FRMD4A: variants seen among roughly 807,000 people sequenced by gnomAD.
The protein encoded by FRMD4A is FERM domain containing 4A, also known as FERM domain-containing protein 4A.
FRMD4A carries 29 observed loss-of-function variants against 129.1 expected under a neutral mutation model. That is an observed-to-expected ratio of 0.22 (90% CI 0.17 to 0.31). The LOEUF is 0.31. FRMD4A is among the 10% of genes least tolerant of loss of function. The probability of loss-of-function intolerance (pLI) is 1.00; values close to 1 mark genes in which losing one functional copy is unlikely to be tolerated. For missense variants in FRMD4A, 1,272 were observed against 1,375.8 expected (o/e 0.92, Z 1.19); for synonymous variants, 634 against 571.6 (o/e 1.11, Z -1.56).
intron 3 of FRMD4A, among the ~76,000 whole-genome samples, chr10:13,826,882 C>A (rs956965223): frequency 6.6e-6 from 1 of 152,114 alleles, no homozygotes; most frequent in East Asian, 1.9e-4. Context: ...GCCACACAGC[C>A]CCTTCCCTTC....
intron 5 of FRMD4A, among the ~76,000 whole-genome samples, chr10:13,793,038 A>G (rs960413480): frequency 1.3e-5 from 2 of 152,244 alleles, no homozygotes; most frequent in Non-Finnish European, 2.9e-5. Context: ...TATGTATTAT[A>G]TCAGAAGAAT....
intron 3 of FRMD4A, among the ~76,000 whole-genome samples, chr10:13,847,731 G>T (rs1273263654): frequency 1.3e-5 from 2 of 152,216 alleles, no homozygotes; most frequent in African/African-American, 4.8e-5. Context: ...GGAAACGGAA[G>T]AACCAGCCAC....
chr10:14,044,927 T>A (rs1833924670), intron 2 of FRMD4A, among the ~76,000 whole-genome samples: 1 of 152,174 alleles, frequency 6.6e-6, no homozygotes, highest in Non-Finnish European at 1.5e-5. Context: ...CCCCTTTTTC[T>A]TTTTCTTGAG....
At chr10:14,140,924 G>A (rs74125313) in intron 2 of FRMD4A, among the ~76,000 whole-genome samples, 52 of 152,218 alleles carry the variant, frequency 3.4e-4, no homozygotes, top group African/African-American at 1.2e-3. Context: ...TTGAGAGCCT[G>A]GATTAGGCAA....
At chr10:13,746,355 C>T (rs577116242) in intron 9 of FRMD4A, among the ~76,000 whole-genome samples, 4 of 152,204 alleles carry the variant, frequency 2.6e-5, no homozygotes, top group Non-Finnish European at 4.4e-5. Context: ...GGACACCAGG[C>T]GCGCGACATC....
chr10:14,095,130 A>C (rs1836882531), intron 2 of FRMD4A, among the ~76,000 whole-genome samples: 2 of 152,200 alleles, frequency 1.3e-5, no homozygotes, highest in Non-Finnish European at 2.9e-5. Flanking sequence ...GTGATAGTTA[A>C]GGGGAAACCA....
chr10:13,976,164 G>A (rs1327077282), intron 2 of FRMD4A, among the ~76,000 whole-genome samples: 1 of 152,136 alleles, frequency 6.6e-6, no homozygotes, highest in African/African-American at 2.4e-5. Context: ...GTCAAGCATT[G>A]AGTTAGCTGG....
Position 13,657,213 on chromosome 10 carries a change from T to A in FRMD4A, c.2376A>T (p.Ala792=), listed in dbSNP as rs1006995983. The A allele has an allele frequency of 3.2e-6, 5 of 1,547,420 alleles. No homozygotes were observed. Among genetic ancestry groups the A allele is most frequent in the Non-Finnish European group, 4.3e-6 (5 of 1,153,280 alleles). ...RQRQRQRAAG[A]LGSASSGSMP... ...TGCTGCCCGAGCTGGCTGAGCCCAGTGCGCCCGCCGCCCGCTGCCGCTGCC... is the reference window on the plus strand; with the variant it reads ...TGCTGCCCGAGCTGGCTGAGCCCAGAGCGCCCGCCGCCCGCTGCCGCTGCC... Residue 792 remains alanine, a synonymous_variant, in exon 22 of 25, where the codon GCA becomes GCT. Coordinates refer to ENST00000357447, the MANE Select transcript of FRMD4A (RefSeq NM_018027.5).
At chr10:14,290,019 A>T (rs1420561306) in intron 2 of FRMD4A, among the ~76,000 whole-genome samples, 1 of 152,082 alleles carries the variant, frequency 6.6e-6, no homozygotes, top group East Asian at 1.9e-4. Flanking sequence ...ACATCAAATC[A>T]AATAAAATAC....
intron 2 of FRMD4A, among the ~76,000 whole-genome samples, chr10:13,998,288 C>T (rs189501031): frequency 6.6e-5 from 10 of 152,256 alleles, no homozygotes; most frequent in African/African-American, 2.2e-4. Flanking sequence ...GTAATGTTTG[C>T]CAATTTCCAT....
rs866587809 is a variant in FRMD4A at position 14,205,071 on chromosome 10, T to A, written c.45+124987A>T. On this transcript the variant is annotated intron_variant, in intron 2 of 24. Coordinates refer to ENST00000357447, the MANE Select transcript of FRMD4A (RefSeq NM_018027.5). ...TTTTTTCTTTTCTTTCTTTTTTTTT[T>A]TTTTTGCTATACTTCTTTGAGACAG... Among the ~76,000 whole-genome samples the A allele has an allele frequency of 8.1e-4, 122 of 151,220 alleles. No individual in the cohort carries two copies. In the Middle Eastern group the frequency reaches 0.017, roughly 21 times the overall value.
At chr10:13,938,045 GA>G (rs1241818438) in intron 2 of FRMD4A, among the ~76,000 whole-genome samples, 6 of 152,134 alleles carry the variant, frequency 3.9e-5, no homozygotes, top group Non-Finnish European at 1.5e-5. Flanking sequence ...TAAAAAGTCT[GA>G]AAAAGGAATT....
intron 5 of FRMD4A, among the ~76,000 whole-genome samples, chr10:13,792,615 G>T (rs905068931): frequency 1.3e-5 from 2 of 152,146 alleles, no homozygotes; most frequent in Non-Finnish European, 2.9e-5. Flanking sequence ...CTGCTTCCAG[G>T]GTTGCTGCAA....
rs1025248481 is a variant in FRMD4A, at chr10:14,288,294, C to T, written c.45+41764G>A. On this transcript the variant is annotated intron_variant, in intron 2 of 24. Transcript: ENST00000357447. ...AAATTGGAAATCTCCAAAGCCCTCT[C>T]AGAATGTACTGATATGGTTTGCCTG... Among the ~76,000 whole-genome samples the T allele has an allele frequency of 7.2e-5, 11 of 152,282 alleles. No homozygotes were observed. In the South Asian group the frequency reaches 2.3e-3, roughly 32 times the overall value.
intron 2 of FRMD4A, among the ~76,000 whole-genome samples, chr10:14,293,780 T>C (rs752695671): frequency 1.8e-4 from 27 of 152,188 alleles, no homozygotes; most frequent in Non-Finnish European, 2.6e-4. Context: ...ACAGGAAACA[T>C]AATTCAAGAA....
chr10:13,710,800 G>C, intron 12 of FRMD4A: 1 of 152,726 alleles, frequency 6.5e-6, no homozygotes, highest in Non-Finnish European at 1.5e-5. Context: ...ATCACTTGAG[G>C]TCAGGAGCTT....
intron 24 of FRMD4A, chr10:13,647,779 T>C (rs1451467557): frequency 6.7e-6 from 1 of 149,746 alleles, no homozygotes; most frequent in Non-Finnish European, 1.5e-5. Flanking sequence ...ACCATTTAGG[T>C]TGGGTAGAAG....
chr10:13,757,712 C>CT (rs2091920912), intron 8 of FRMD4A, among the ~76,000 whole-genome samples: 1 of 152,170 alleles, frequency 6.6e-6, no homozygotes, highest in Non-Finnish European at 1.5e-5. Flanking sequence ...ATATAGTTCT[C>CT]TTTCCATTAA....
chr10:13,855,869 G>C (rs11818012), intron 3 of FRMD4A, among the ~76,000 whole-genome samples: 42,279 of 151,916 alleles, frequency 0.28, 6,281 homozygotes, highest in Non-Finnish European at 0.34. Context: ...AAAAAAAAGA[G>C]TGATAGATTT....
Sources: allele counts gnomAD v4.1 joint callset (sites outside exome capture counted in the v4.1 genomes callset), GRCh38; gene constraint gnomAD v4.1.1; transcripts MANE v1.5; gene names NCBI Gene and HGNC (gene_info 2026-07-23, HGNC 2026-07-21).